MS4A14: variants seen among roughly 807,000 people sequenced by gnomAD.
MS4A14 encodes the protein membrane spanning 4-domains A14.
A neutral mutation model predicts 16.7 loss-of-function variants in MS4A14; 18 were observed. That is an observed-to-expected ratio of 1.08 (90% confidence interval 0.75 to 1.60). The LOEUF (loss-of-function observed/expected upper bound fraction) is 1.60. MS4A14 is among the 40% of genes most tolerant of loss of function. MS4A14 has a pLI of 0.00. For missense variants in MS4A14, 812 were observed against 775.3 expected, an observed-to-expected ratio of 1.05 and a Z score of -0.56; for synonymous variants, 305 against 289.4, an observed-to-expected ratio of 1.05 and a Z score of -0.55.
intron 4 of MS4A14, among the ~76,000 whole-genome samples, chr11:60,405,204 C>T (rs1483024279): frequency 6.6e-6 from 1 of 152,036 alleles, no homozygotes; most frequent in East Asian, 1.9e-4. Flanking sequence ...CTCAGCCTCC[C>T]GAGTAGCTGG....
At chr11:60,397,342 T>C (rs2085641401) in intron 1 of MS4A14, among the ~76,000 whole-genome samples, 1 of 152,106 alleles carries the variant, frequency 6.6e-6, no homozygotes, top group African/African-American at 2.4e-5. Flanking sequence ...AAATGCAAGC[T>C]CATCCCAGGT....
At chr11:60,409,215 T>C (rs2135142684) in intron 4 of MS4A14, among the ~76,000 whole-genome samples, 1 of 152,302 alleles carries the variant, frequency 6.6e-6, no homozygotes, top group East Asian at 1.9e-4. Context: ...GCTATAGTCA[T>C]GCTACTAAGT....
intron 4 of MS4A14, chr11:60,404,615 G>A (rs879670030): frequency 2.2e-6 from 1 of 456,382 alleles, no homozygotes; most frequent in Non-Finnish European, 4.4e-6. Flanking sequence ...AAGTATCCAC[G>A]GCCCCAAGAT....
chr11:60,413,378 G>GT (rs34997974), intron 4 of MS4A14, among the ~76,000 whole-genome samples: 102,397 of 151,576 alleles, frequency 0.68, 34,725 homozygotes, highest in Middle Eastern at 0.76. Flanking sequence ...GATGAAAATA[G>GT]CAATCTTTCC....
At chr11:60,398,859 G>A (rs961583594) in intron 2 of MS4A14, among the ~76,000 whole-genome samples, 3 of 152,162 alleles carry the variant, frequency 2.0e-5, no homozygotes, top group Admixed American at 2.0e-4. Context: ...TATTCAATAT[G>A]ATTTTCAAAC....
chr11:60,398,149 A>G lies in MS4A14; in HGVS notation c.267+169A>G, dbSNP rs1034677520. ...TCCATTTGGTCACTGCACTACCATCATCATTGTAATAACTACTCTCAGGTG... is the reference window on the plus strand; with the variant it reads ...TCCATTTGGTCACTGCACTACCATCGTCATTGTAATAACTACTCTCAGGTG... On this transcript the variant is annotated intron_variant, in intron 2 of 4. Transcript: ENST00000300187. The G allele has an allele frequency of 6.0e-5, 34 of 566,134 alleles. No individual in the cohort carries two copies. In the South Asian group the frequency reaches 6.9e-4, roughly 11 times the overall value. The allele number at this position is 566,134 out of a possible 1,614,324, so 35.1% of individuals were successfully genotyped here. A position where few individuals can be genotyped will look rare whatever the true frequency, so the allele number is the denominator to read the frequency against.
At chr11:60,397,472 G>C (rs1452818695) in intron 1 of MS4A14, among the ~76,000 whole-genome samples, 1 of 152,100 alleles carries the variant, frequency 6.6e-6, no homozygotes, top group South Asian at 2.1e-4. Flanking sequence ...ATAATAATAG[G>C]ATACTGGTGA....
At chr11:60,400,849 T>C (rs1301657958) in intron 3 of MS4A14, among the ~76,000 whole-genome samples, 1 of 152,168 alleles carries the variant, frequency 6.6e-6, no homozygotes, top group African/African-American at 2.4e-5. Context: ...GCATCTAAAA[T>C]GCACAAGGCA....
At chr11:60,412,043 T>A (rs1229812912) in intron 4 of MS4A14, among the ~76,000 whole-genome samples, 1 of 152,118 alleles carries the variant, frequency 6.6e-6, no homozygotes, top group African/African-American at 2.4e-5. Context: ...AACATTATAT[T>A]AATGTAATGT....
At chr11:60,413,923 A>T (rs928541534) in intron 4 of MS4A14, among the ~76,000 whole-genome samples, 1 of 152,104 alleles carries the variant, frequency 6.6e-6, no homozygotes, top group African/African-American at 2.4e-5. Flanking sequence ...AGGACCTCAG[A>T]TTCAACTACA....
intron 4 of MS4A14, among the ~76,000 whole-genome samples, chr11:60,403,675 C>T (rs2085747416): frequency 6.6e-6 from 1 of 152,156 alleles, no homozygotes; most frequent in African/African-American, 2.4e-5. Flanking sequence ...AAGTATTTAT[C>T]TAACAAGTAA....
Position 60,412,657 on chromosome 11 carries a change from T to C in MS4A14, c.469-2780T>C, listed in dbSNP as rs7943433. 5.3e-3 allele frequency among the ~76,000 whole-genome samples: 807 copies of C among 152,078 alleles called. 8 individuals are homozygous for C. Among genetic ancestry groups the C allele is most frequent in the African/African-American group, 0.018 (755 of 41,564 alleles). Reference sequence around the variant, plus strand: ...TATAGGTAAAGGTTTATCAATTTTGTTGATCTTTTAAAAGAATCAACATTT... The same window carrying C: ...TATAGGTAAAGGTTTATCAATTTTGCTGATCTTTTAAAAGAATCAACATTT... On this transcript the variant is annotated intron_variant, in intron 4 of 4. Transcript: ENST00000300187.
chr11:60,414,292 A>C (rs2135152173), intron 4 of MS4A14, among the ~76,000 whole-genome samples: 1 of 152,288 alleles, frequency 6.6e-6, no homozygotes, highest in Middle Eastern at 3.4e-3. Flanking sequence ...TCACATAAAT[A>C]GTCCTTCAAT....
chr11:60,405,832 T>C, intron 4 of MS4A14: 2 of 1,281,438 alleles, frequency 1.6e-6, no homozygotes, highest in East Asian at 2.6e-5. Context: ...TCAGCTTATA[T>C]ATTTAAAATA....
Position 60,403,045 on chromosome 11 carries a change from G to A in MS4A14, c.452G>A (p.Ser151Asn). The change falls in exon 4 of 5, where the codon AGT (serine) becomes AAT (asparagine). Residue 151 changes from serine (S) to asparagine (N), a missense_variant. Ser to Asn is a conservative substitution (Grantham distance 46). Coordinates refer to ENST00000300187, the MANE Select transcript of MS4A14 (RefSeq NM_032597.5). The part of the protein sequence containing the change: ...MPSFEEICVF[S>N]RTLFIVLFFL... ...TCCTTTGAAGAAATATGTGTTTTCA[G>A]TAGAACTCTTTTCATTGTAAGTGGT... The A allele has an allele frequency of 6.2e-7, 1 of 1,613,630 alleles. No individual in the cohort carries two copies. Among genetic ancestry groups the A allele is most frequent in the South Asian group, 1.1e-5 (1 of 91,072 alleles).
rs760427803 is a variant in MS4A14 at position 60,402,146 on chromosome 11, G to A, written c.319-766G>A. Among the ~76,000 whole-genome samples the A allele has an allele frequency of 2.4e-4, 36 of 151,944 alleles. No homozygotes were observed. In the East Asian group the frequency reaches 2.5e-3, roughly 11 times the overall value. On this transcript the variant is annotated intron_variant, in intron 3 of 4. Transcript: ENST00000300187. ...TGACCCCCTTCCTGTAAAGGAACTCGGATATACCTACCCCACCCACCCACA... is the reference window on the plus strand; with the variant it reads ...TGACCCCCTTCCTGTAAAGGAACTCAGATATACCTACCCCACCCACCCACA...
At chr11:60,408,918 T>C (rs6591584) in intron 4 of MS4A14, among the ~76,000 whole-genome samples, 152,045 of 152,310 alleles carry the variant, frequency 1, 75,891 homozygotes, top group Middle Eastern at 1. Context: ...ACATTTCCAC[T>C]AGCAGTGTAC....
intron 4 of MS4A14, among the ~76,000 whole-genome samples, chr11:60,411,111 G>C (rs1250482334): frequency 6.6e-6 from 1 of 152,190 alleles, no homozygotes; most frequent in Non-Finnish European, 1.5e-5. Context: ...CTCCCAAAGT[G>C]CTAGGATTAC....
chr11:60,413,700 A>G (rs2085899226), intron 4 of MS4A14, among the ~76,000 whole-genome samples: 1 of 152,140 alleles, frequency 6.6e-6, no homozygotes, highest in African/African-American at 2.4e-5. Context: ...AGTAATGTGC[A>G]AAGTACAACA....
Sources: gnomAD v4.1 joint callset for allele counts (sites outside exome capture counted in the v4.1 genomes callset) on GRCh38, gnomAD v4.1.1 for gene constraint, MANE v1.5 for transcripts, NCBI Gene and HGNC (gene_info 2026-07-23, HGNC 2026-07-21) for gene names.